The following TBX3 variants were observed in gnomAD, a reference collection of about 807,000 sequenced individuals.
TBX3 encodes T-box transcription factor TBX3.
TBX3 carries 11 observed loss-of-function variants against 47.8 expected under a neutral mutation model. That is an observed-to-expected ratio of 0.23 (90% CI 0.14 to 0.38). TBX3 has a LOEUF of 0.38. TBX3 is among the 10% of genes least tolerant of loss of function. TBX3 has a pLI of 1.00. For missense variants in TBX3, 927 were observed against 1,022.8 expected (o/e 0.91, Z 1.28); for synonymous variants, 500 against 449.3 (o/e 1.11, Z -1.43).
At chr12:114,673,502 G>A (rs1255730074) in intron 6 of TBX3, among the ~76,000 whole-genome samples, 1 of 152,176 alleles carries the variant, frequency 6.6e-6, no homozygotes, top group Non-Finnish European at 1.5e-5. Flanking sequence ...TCGAGGAATA[G>A]GCTGGCCTGC....
intron 5 of TBX3, among the ~76,000 whole-genome samples, chr12:114,675,755 A>C (rs568896897): frequency 1.4e-4 from 21 of 145,518 alleles, no homozygotes; most frequent in African/African-American, 5.4e-4. Context: ...CTCCTCACCC[A>C]CCTCCCCCAG....
chr12:114,678,754 A>G (rs2121394656), intron 3 of TBX3, among the ~76,000 whole-genome samples: 1 of 152,288 alleles, frequency 6.6e-6, no homozygotes, highest in South Asian at 2.1e-4. Context: ...GTGAATCAGC[A>G]GTAAGGGTCA....
chr12:114,679,226 G>T (rs1246429572), intron 3 of TBX3, among the ~76,000 whole-genome samples: 1 of 152,058 alleles, frequency 6.6e-6, no homozygotes, highest in African/African-American at 2.4e-5. Context: ...CCCAAGAGGG[G>T]GGGAGGAGTG....
At position 114,671,464 on chromosome 12, in the gene TBX3, T is replaced by G; in HGVS notation, c.*377A>C. 1 of 311,772 alleles carries G rather than the reference T, an allele frequency of 3.2e-6. No individual in the cohort carries two copies. Among genetic ancestry groups the G allele is most frequent in the Non-Finnish European group, 6.0e-6 (1 of 167,932 alleles). The allele number at this position is 311,772 out of a possible 1,614,324, so 19.3% of individuals were successfully genotyped here. ...TTGTTTTTGTTTCCACTTGACACAG[T>G]GAAGGAAAAATATATATATAAATCC... On this transcript the variant is annotated 3_prime_UTR_variant, in exon 7 of 7. Transcript: ENST00000349155.
rs1482074157 is a variant in TBX3, at chr12:114,670,481, T to C, written c.*1360A>G. Reference sequence around the variant, plus strand: ...CAACAGTAGTAAATTCCACTTCGTTTTGAGGAAATCAGAGACTAGCAAATA... The same window carrying C: ...CAACAGTAGTAAATTCCACTTCGTTCTGAGGAAATCAGAGACTAGCAAATA... On this transcript the variant is annotated 3_prime_UTR_variant, in exon 7 of 7. Coordinates refer to ENST00000349155, the MANE Select transcript of TBX3 (RefSeq NM_005996.4). The C allele has an allele frequency of 4.5e-6, 1 of 221,114 alleles. No individual in the cohort carries two copies. The highest frequency in any genetic ancestry group is 9.1e-6 in the Non-Finnish European group (1 of 110,424). The allele number at this position is 221,114 out of a possible 1,614,324, so 13.7% of individuals were successfully genotyped here.
intron 2 of TBX3, chr12:114,680,036 C>T (rs937075333): frequency 1.9e-5 from 30 of 1,551,698 alleles, no homozygotes; most frequent in Admixed American, 3.4e-5. Flanking sequence ...TAAGCGCCCA[C>T]TAATTGACGA....
intron 5 of TBX3, 78 bp from the exon 6 acceptor site, chr12:114,674,913 T>G (rs1240911276): frequency 2.0e-6 from 3 of 1,524,672 alleles, no homozygotes; most frequent in Non-Finnish European, 2.6e-6. Context: ...AGTTCCCAAG[T>G]TGGAATCCCA....
chr12:114,674,027 C>G, intron 6 of TBX3, 138 bp downstream of exon 6: 1 of 1,170,358 alleles, frequency 8.5e-7, no homozygotes, highest in Non-Finnish European at 1.2e-6. Context: ...ATGAGCTAAG[C>G]CTTGAACCCG....
intron 2 of TBX3, chr12:114,680,404 C>T (rs1868878800): frequency 3.5e-6 from 1 of 286,572 alleles, no homozygotes; most frequent in South Asian, 4.2e-5. Flanking sequence ...CCACCTAAGC[C>T]CAATTCTTTT....
At position 114,683,071 on chromosome 12, in the gene TBX3, G is replaced by C; in HGVS notation, c.130C>G (p.Leu44Val). 1 of 1,610,642 alleles carries C rather than the reference G, an allele frequency of 6.2e-7. No homozygotes were observed. The highest frequency in any genetic ancestry group is 8.5e-7 in the Non-Finnish European group (1 of 1,177,866). ...GCCGCGCCGTTGGGAGGCAGCGTCA[G>C]CGCGGGGAAGAACGGCGGCTGGTGA... Reference protein sequence around the residue: ...LGHQPPFFPALTLPPNGAAAL... With the variant: ...LGHQPPFFPAVTLPPNGAAAL... The change falls in exon 1 of 7, where the codon CTG becomes GTG. Residue 44 changes from leucine (L) to valine (V), a missense_variant. Physicochemically the swap from Leu to Val is conservative, Grantham distance 32 (BLOSUM62 1). Transcript: ENST00000349155. The surrounding 1 kb of genome is among the most constrained non-coding windows in gnomAD (Gnocchi z 7.7).
Position 114,674,171 on chromosome 12 carries a change from G to C in TBX3, c.1704C>G (p.Ala568=), listed in dbSNP as rs1038659583. 6.3e-7 allele frequency: 1 copy of C among 1,582,998 alleles called. No homozygotes were observed. Among genetic ancestry groups the C allele is most frequent in the Non-Finnish European group, 8.6e-7 (1 of 1,166,596 alleles). The part of the protein sequence containing the change: ...LPFHLQQHVL[A]SQGLAMSPFG... ...CAGGAAGAAGGATCCATACCTGAGA[G>C]GCCAGGACGTGCTGCTGGAGGTGGA... is the stretch of plus-strand genomic sequence containing the variant. The change falls in exon 6 of 7, where the codon GCC becomes GCG. Residue 568 remains alanine (A), a synonymous_variant. Transcript: ENST00000349155.
chr12:114,680,033 C>T (rs926952339), intron 2 of TBX3: 29 of 1,569,332 alleles, frequency 1.8e-5, no homozygotes, highest in South Asian at 3.4e-5. Flanking sequence ...CTTTAAGCGC[C>T]CACTAATTGA....
At position 114,670,383 on chromosome 12, in the gene TBX3, T is replaced by C. The variant is rs1868366359; in HGVS notation, c.*1458A>G. The C allele has an allele frequency of 4.5e-6, 1 of 222,678 alleles. No individual in the cohort carries two copies. The highest frequency in any genetic ancestry group is 1.8e-4 in the South Asian group (1 of 5,446). The allele number at this position is 222,678 out of a possible 1,614,324, so 13.8% of individuals were successfully genotyped here. A position where few individuals can be genotyped will look rare whatever the true frequency, so the allele number is the denominator to read the frequency against. ...CCTTCATGAATTTGTCTTTAAACCA[T>C]CTCTCAGCACCTGACTTTTGAACTG... On this transcript the variant is annotated 3_prime_UTR_variant, in exon 7 of 7. Coordinates refer to ENST00000349155, the MANE Select transcript of TBX3 (RefSeq NM_005996.4).
chr12:114,682,959 A>C lies in TBX3; in HGVS notation c.242T>G (p.Leu81Arg). 6.2e-7 allele frequency: 1 copy of C among 1,614,128 alleles called. No individual in the cohort carries two copies. The highest frequency in any genetic ancestry group is 8.5e-7 in the Non-Finnish European group (1 of 1,180,022). The stretch of plus-strand genomic sequence containing the variant: ...AGGCCTCAGATGCGCCTGGGGCCCC[A>C]GGGAGGAGAACGGGATGCCGGTCTC... ...AAETGIPFSS[L>R]GPQAHLRPLK... Residue 81 changes from leucine (L) to arginine (R), a missense_variant, in exon 1 of 7, where the codon CTG (leucine) becomes CGG (arginine). Physicochemically the swap from Leu to Arg is moderately radical, Grantham distance 102. Around this residue, in one of 5 missense-constraint regions of TBX3, gnomAD observed 216 missense variants for 281.2 expected, o/e 0.77. Coordinates refer to ENST00000349155, the MANE Select transcript of TBX3 (RefSeq NM_005996.4).
In TBX3 at chr12:114,671,735, A is replaced by G; in HGVS notation, c.*106T>C. Reference sequence around the variant, plus strand: ...GGGGCCCCTTCCCAGACGCAACTGCAAAAGGAAGGGCTAACGCCATGGCGG... The same window carrying G: ...GGGGCCCCTTCCCAGACGCAACTGCGAAAGGAAGGGCTAACGCCATGGCGG... On this transcript the variant is annotated 3_prime_UTR_variant, in exon 7 of 7. Coordinates refer to ENST00000349155, the MANE Select transcript of TBX3 (RefSeq NM_005996.4). The G allele has an allele frequency of 1.4e-6, 2 of 1,453,132 alleles. No individual in the cohort carries two copies. Among genetic ancestry groups the G allele is most frequent in the South Asian group, 2.5e-5 (2 of 81,358 alleles). The allele number at this position is 1,453,132 out of a possible 1,614,324, so 90.0% of individuals were successfully genotyped here.
chr12:114,672,385 A>C, intron 6 of TBX3, 83 bp from the exon 7 acceptor site: 2 of 1,191,582 alleles, frequency 1.7e-6, no homozygotes, highest in Non-Finnish European at 2.3e-6. Context: ...TCCCCCTCCA[A>C]CATTGGGCAA....
At position 114,683,018 on chromosome 12, in the gene TBX3, G is replaced by A; in HGVS notation, c.183C>T (p.Ala61=). 1.2e-6 allele frequency: 2 copies of A among 1,611,476 alleles called. No individual in the cohort carries two copies. Among genetic ancestry groups the A allele is most frequent in the Non-Finnish European group, 1.7e-6 (2 of 1,178,388 alleles). ...CCACCAATTGATCCATGATCGGCTT[G>A]GCCAGGGCGCCCGGCAGCGAGAGCG... ...AAALSLPGAL[A]KPIMDQLVGA... The change falls in exon 1 of 7, where the codon GCC becomes GCT. Residue 61 remains alanine, a synonymous_variant. Coordinates refer to ENST00000349155, the MANE Select transcript of TBX3 (RefSeq NM_005996.4). The surrounding 1 kb of genome is among the most constrained non-coding windows in gnomAD (Gnocchi z 7.7).
rs9805019 is a variant in TBX3 at position 114,683,451 on chromosome 12, C to T, written c.-251G>A. On this transcript the variant is annotated 5_prime_UTR_variant, in exon 1 of 7. Coordinates refer to ENST00000349155, the MANE Select transcript of TBX3 (RefSeq NM_005996.4). The surrounding 1 kb of genome is among the most constrained non-coding windows in gnomAD (Gnocchi z 7.7). ...AAGGCGAAAAATCAGCAAACATAGT[C>T]GCGCGGGTGACCGTCCTTGTGCCTT... The T allele has an allele frequency of 1.1e-3, 592 of 542,456 alleles. 6 individuals are homozygous for T. Among genetic ancestry groups the T allele is most frequent in the African/African-American group, 9.8e-3 (517 of 52,596 alleles). 33.6% of individuals were successfully genotyped at this position (542,456 alleles called of 1,614,324 possible). A position where few individuals can be genotyped will look rare whatever the true frequency, so the allele number is the denominator to read the frequency against.
Position 114,680,917 on chromosome 12 carries a change from G to A in TBX3, c.619C>T (p.Leu207=), listed in dbSNP as rs35069811. ...WMSKVVTFHK[L]KLTNNISDKH... is the part of the protein sequence containing the mutation. ...TCTGAAATGTTGTTGGTGAGTTTCA[G>A]TTTGTGGAAAGTGACGACTTTGGAC... Residue 207 remains leucine (L), a synonymous_variant, in exon 2 of 7, where the codon CTG becomes TTG. Transcript: ENST00000349155. 4,830 of 1,614,128 alleles carry A rather than the reference G, an allele frequency of 3.0e-3. 127 individuals carry two copies. In the African/African-American group the frequency reaches 0.054, roughly 18 times the overall value.
Sources: allele counts gnomAD v4.1 joint callset (sites outside exome capture counted in the v4.1 genomes callset), GRCh38; gene constraint gnomAD v4.1.1; regional missense constraint gnomAD v4.1.1; non-coding constraint Gnocchi (gnomAD v3.1); transcripts MANE v1.5; gene names NCBI Gene and HGNC (gene_info 2026-07-23, HGNC 2026-07-21).